The following CHIC1 variants were observed in gnomAD, a reference collection of about 807,000 sequenced individuals.
CHIC1 encodes cysteine rich hydrophobic domain 1, also known as cysteine-rich hydrophobic domain-containing protein 1.
In CHIC1, 7 loss-of-function variants were observed where a neutral mutation model predicts 18.5. The observed-to-expected ratio is 0.38, with a 90% CI of 0.22 to 0.71. The LOEUF is 0.71. Ranked by LOEUF, CHIC1 falls within the 30% of genes least tolerant of loss-of-function variation. The pLI is 0.49. For missense variants in CHIC1, 159 were observed against 176.9 expected (o/e 0.90, Z 0.57); for synonymous variants, 77 against 73.5 (o/e 1.05, Z -0.25).
At chrX:73,644,611 C>T (rs1007601749) in intron 3 of CHIC1, among the ~76,000 whole-genome samples, 1 of 112,517 alleles carries the variant, frequency 8.9e-6, no homozygotes, top group African/African-American at 3.2e-5. Context: ...AGCCTCACTG[C>T]CGCCTTGCAT....
chrX:73,666,338 C>A (rs1171026471), intron 3 of CHIC1, among the ~76,000 whole-genome samples: 1 of 111,657 alleles, frequency 9.0e-6, no homozygotes, highest in African/African-American at 3.3e-5. Context: ...AGGCTGTCTG[C>A]AAGCTGAGGA....
chrX:73,657,296 T>C (rs929410854), intron 3 of CHIC1, among the ~76,000 whole-genome samples: 1 of 110,568 alleles, frequency 9.0e-6, no homozygotes, highest in African/African-American at 3.3e-5. Context: ...CCCGACCTCA[T>C]GATCCACCCG....
chrX:73,666,585 C>A (rs1320759606), intron 3 of CHIC1, among the ~76,000 whole-genome samples: 1 of 112,226 alleles, frequency 8.9e-6, no homozygotes, highest in African/African-American at 3.2e-5. Context: ...TTTGGCAACA[C>A]CATCACAGTC....
At chrX:73,616,050 G>A (rs1224030130) in intron 3 of CHIC1, among the ~76,000 whole-genome samples, 1 of 110,537 alleles carries the variant, frequency 9.0e-6, no homozygotes, top group Non-Finnish European at 1.9e-5. Flanking sequence ...GGAGCTCTAG[G>A]AATTTGGAGA....
intron 3 of CHIC1, among the ~76,000 whole-genome samples, chrX:73,598,669 T>A (rs1406967222): frequency 3.6e-5 from 4 of 110,119 alleles, no homozygotes; most frequent in Non-Finnish European, 7.6e-5. Context: ...ACTCATCATT[T>A]TTTATGGCTG....
At chrX:73,650,836 T>C (rs1035513071) in intron 3 of CHIC1, among the ~76,000 whole-genome samples, 7 of 111,467 alleles carry the variant, frequency 6.3e-5, no homozygotes, top group African/African-American at 2.3e-4. Context: ...CCCTAACTCA[T>C]TTTATGAGGC....
At chrX:73,591,164 A>G (rs974595851) in intron 3 of CHIC1, among the ~76,000 whole-genome samples, 2 of 111,544 alleles carry the variant, frequency 1.8e-5, no homozygotes, top group Admixed American at 1.9e-4. Flanking sequence ...CTATTGTTTT[A>G]ATTTCTAATT....
intron 3 of CHIC1, among the ~76,000 whole-genome samples, chrX:73,632,591 AT>A (rs2057812307): frequency 9.4e-6 from 1 of 106,256 alleles, no homozygotes; most frequent in South Asian, 4.1e-4. Flanking sequence ...TTTTTCTCTC[AT>A]CTTTTGTGTG....
chrX:73,630,942 C>T (rs745651956), intron 3 of CHIC1, among the ~76,000 whole-genome samples: 2 of 111,355 alleles, frequency 1.8e-5, no homozygotes, highest in African/African-American at 3.3e-5. Flanking sequence ...TTCATATTTT[C>T]TGTTTCTTCA....
chrX:73,686,216 G>A lies in CHIC1; in HGVS notation c.*5211G>A, dbSNP rs1255335768. On this transcript the variant is annotated 3_prime_UTR_variant, in exon 6 of 6. Coordinates refer to ENST00000373502, the MANE Select transcript of CHIC1 (RefSeq NM_001039840.4). The stretch of plus-strand genomic sequence containing the variant: ...AAATGTTGGGAACCACTTTTATAAA[G>A]GAACTAAGATTATTTGACCCCCTCC... The A allele has an allele frequency of 1.8e-5, 2 of 111,177 alleles. No individual in the cohort carries two copies. Among genetic ancestry groups the A allele is most frequent in the African/African-American group, 6.5e-5 (2 of 30,704 alleles). 9.2% of individuals were successfully genotyped at this position (111,177 alleles called of 1,213,427 possible). A position where few individuals can be genotyped will look rare whatever the true frequency, so the allele number is the denominator to read the frequency against.
rs1389458971 is a variant in CHIC1, at chrX:73,658,345, T to A, written c.508-20981T>A. ...ATTATTGGTCTATTCAGGGATTCAC[T>A]TTCTTCCTGGTTCAGTCCTAGGAGG... On this transcript the variant is annotated intron_variant, in intron 3 of 5. Coordinates refer to ENST00000373502, the MANE Select transcript of CHIC1 (RefSeq NM_001039840.4). Among the ~76,000 whole-genome samples the A allele has an allele frequency of 9.3e-5, 9 of 96,298 alleles. No homozygotes were observed. In the Admixed American group the frequency reaches 1.1e-3, roughly 12 times the overall value. 83.6% of individuals were successfully genotyped at this position (96,298 alleles called of 115,157 possible). A position where few individuals can be genotyped will look rare whatever the true frequency, so the allele number is the denominator to read the frequency against.
intron 3 of CHIC1, among the ~76,000 whole-genome samples, chrX:73,646,835 A>G (rs1337810976): frequency 5.4e-5 from 6 of 111,235 alleles, no homozygotes; most frequent in Non-Finnish European, 9.4e-5. Context: ...CCGTTTGTCT[A>G]TTTTTACTTT....
At chrX:73,661,353 G>A (rs2057979175) in intron 3 of CHIC1, among the ~76,000 whole-genome samples, 2 of 112,165 alleles carry the variant, frequency 1.8e-5, no homozygotes, top group African/African-American at 6.5e-5. Context: ...TTAGGTTCTA[G>A]TCCTCTAGGG....
At chrX:73,631,212 T>G (rs2057805414) in intron 3 of CHIC1, among the ~76,000 whole-genome samples, 1 of 112,045 alleles carries the variant, frequency 8.9e-6, no homozygotes, top group South Asian at 3.7e-4. Flanking sequence ...TTTTTGGATC[T>G]TTTAAATTGT....
rs991516635 is a variant in CHIC1, at chrX:73,568,932, T to C, written c.296+5352T>C. ...GTTGTCTGAGAAATTACAGTGATGA[T>C]TGTTAATTTGTTTTTATATAAGGTG... On this transcript the variant is annotated intron_variant, in intron 1 of 5. Transcript: ENST00000373502. Among the ~76,000 whole-genome samples the C allele has an allele frequency of 3.6e-5, 4 of 111,699 alleles. No individual in the cohort carries two copies. In the Admixed American group the frequency reaches 3.8e-4, roughly 11 times the overall value.
rs1159943279 is a variant in CHIC1, at chrX:73,652,822, G to A, written c.508-26504G>A. Among the ~76,000 whole-genome samples the A allele has an allele frequency of 2.7e-5, 3 of 111,970 alleles. No individual in the cohort carries two copies. The East Asian group carries it at 8.4e-4, about 31-fold the overall frequency. The stretch of plus-strand genomic sequence containing the variant: ...CAACCATTGTGGAAGACAGTGTGGT[G>A]ATTCCTCAAGGACCTAGAACCAGAA... On this transcript the variant is annotated intron_variant, in intron 3 of 5. Coordinates refer to ENST00000373502, the MANE Select transcript of CHIC1 (RefSeq NM_001039840.4).
At chrX:73,641,052 A>G (rs1370632671) in intron 3 of CHIC1, among the ~76,000 whole-genome samples, 2 of 111,709 alleles carry the variant, frequency 1.8e-5, no homozygotes, top group African/African-American at 6.5e-5. Context: ...TCATGTTCTC[A>G]TTAGTTTCAA....
chrX:73,574,566 T>TTTGG (rs1242807237), intron 1 of CHIC1, among the ~76,000 whole-genome samples: 1 of 110,206 alleles, frequency 9.1e-6, no homozygotes, highest in African/African-American at 3.3e-5. Flanking sequence ...TTGAGCTTTT[T>TTTGG]TTGGTTGGTT....
intron 3 of CHIC1, among the ~76,000 whole-genome samples, chrX:73,587,333 C>T (rs1396464777): frequency 2.7e-5 from 3 of 111,540 alleles, no homozygotes; most frequent in South Asian, 3.7e-4. Flanking sequence ...GACTCTGGTG[C>T]GATTTCGCAG....
Sources: gnomAD v4.1 joint callset for allele counts (sites outside exome capture counted in the v4.1 genomes callset) on GRCh38, gnomAD v4.1.1 for gene constraint, MANE v1.5 for transcripts, NCBI Gene and HGNC (gene_info 2026-07-23, HGNC 2026-07-21) for gene names.